Variants in DNAJC3 observed in about 807,000 individuals in gnomAD.
DNAJC3 encodes the protein dnaJ homolog subfamily C member 3.
Under a neutral mutation model 68.6 loss-of-function variants are expected in DNAJC3, and 38 were observed. The observed-to-expected ratio is 0.55, with a 90% CI of 0.43 to 0.73. DNAJC3 has a LOEUF of 0.73. Among genes scored for constraint, DNAJC3 ranks in the 30% least tolerant of loss-of-function variants. The pLI, the probability that DNAJC3 is intolerant of heterozygous loss-of-function variation, is 0.00. For synonymous variants in DNAJC3, 203 were observed against 204.0 expected, an observed-to-expected ratio of 1.00 and a Z score of 0.04; for missense variants, 526 against 591.9, an observed-to-expected ratio of 0.89 and a Z score of 1.16.
At chr13:95,739,406 T>C (rs1882047834) in intron 4 of DNAJC3, among the ~76,000 whole-genome samples, 1 of 151,332 alleles carries the variant, frequency 6.6e-6, no homozygotes, top group Non-Finnish European at 1.5e-5. Context: ...CTGGATAATA[T>C]CCTGCAGAGT....
At chr13:95,724,425 G>A (rs1881439329) in intron 3 of DNAJC3, among the ~76,000 whole-genome samples, 1 of 152,156 alleles carries the variant, frequency 6.6e-6, no homozygotes, top group African/African-American at 2.4e-5. Context: ...AGATGAAGGG[G>A]GAGAAACTGG....
chr13:95,778,714 C>T (rs1883353402), intron 9 of DNAJC3, among the ~76,000 whole-genome samples: 1 of 152,110 alleles, frequency 6.6e-6, no homozygotes, highest in Non-Finnish European at 1.5e-5. Context: ...AATGTGTGCC[C>T]TTTATGAATG....
chr13:95,712,215 G>A (rs1880993500), intron 2 of DNAJC3, among the ~76,000 whole-genome samples: 1 of 152,094 alleles, frequency 6.6e-6, no homozygotes, highest in African/African-American at 2.4e-5. Context: ...CTGTATTGGT[G>A]AGTACACCAA....
chr13:95,741,228 T>C (rs540858398), intron 4 of DNAJC3, among the ~76,000 whole-genome samples: 31 of 152,344 alleles, frequency 2.0e-4, no homozygotes, highest in Non-Finnish European at 3.7e-4. Context: ...GAGAGGACTT[T>C]TTCCTTAAGA....
chr13:95,787,191 AGGT>A (rs1295820800), intron 11 of DNAJC3, 36 bp downstream of exon 11: 1 of 1,593,498 alleles, frequency 6.3e-7, no homozygotes, highest in African/African-American at 1.4e-5. Flanking sequence ...CTCATCCTAG[AGGT>A]GGTGTTAGAA....
At chr13:95,686,389 G>C (rs1012055572) in intron 1 of DNAJC3, among the ~76,000 whole-genome samples, 17 of 152,228 alleles carry the variant, frequency 1.1e-4, no homozygotes, top group African/African-American at 4.1e-4. Flanking sequence ...TCTGTAGTTT[G>C]TCTCTTTGCC....
chr13:95,786,216 A>G (rs776434718), intron 10 of DNAJC3, 145 bp downstream of exon 10: 197 of 924,976 alleles, frequency 2.1e-4, no homozygotes, highest in Non-Finnish European at 2.0e-4. Context: ...CTTTAACATT[A>G]GAAAGCTACT....
chr13:95,769,225 A>G (rs1466973688), intron 9 of DNAJC3, among the ~76,000 whole-genome samples: 1 of 152,176 alleles, frequency 6.6e-6, no homozygotes, highest in Non-Finnish European at 1.5e-5. Context: ...TTGTGCCATC[A>G]GGTCAGGCAG....
At chr13:95,765,182 A>T (rs1428453180) in intron 9 of DNAJC3, among the ~76,000 whole-genome samples, 2 of 152,144 alleles carry the variant, frequency 1.3e-5, no homozygotes, top group Non-Finnish European at 2.9e-5. Flanking sequence ...ATTTATAAGC[A>T]TGCTTCAATA....
intron 2 of DNAJC3, among the ~76,000 whole-genome samples, chr13:95,710,323 C>T (rs1476192495): frequency 1.3e-5 from 2 of 150,922 alleles, no homozygotes; most frequent in African/African-American, 4.9e-5. Context: ...TTATGGCTTA[C>T]TGCAGCCTCA....
chr13:95,773,214 C>T (rs1443172124), intron 9 of DNAJC3, among the ~76,000 whole-genome samples: 1 of 150,230 alleles, frequency 6.7e-6, no homozygotes, highest in Non-Finnish European at 1.5e-5. Context: ...CTGTGTCACC[C>T]AGGCTGGAAT....
chr13:95,761,797 C>A (rs1882831080), intron 7 of DNAJC3, among the ~76,000 whole-genome samples: 1 of 150,826 alleles, frequency 6.6e-6, no homozygotes, highest in Non-Finnish European at 1.5e-5. Flanking sequence ...GACAATCTCA[C>A]TATGTTGCCC....
chr13:95,717,056 A>T (rs377181433), intron 2 of DNAJC3, among the ~76,000 whole-genome samples: 40 of 152,130 alleles, frequency 2.6e-4, no homozygotes, highest in African/African-American at 8.7e-4. Context: ...AACTCTTAAG[A>T]GATGTGCGTT....
At chr13:95,725,310 C>T in intron 4 of DNAJC3, 58 bp downstream of exon 4, 2 of 1,315,240 alleles carry the variant, frequency 1.5e-6, no homozygotes, top group Non-Finnish European at 2.1e-6. Context: ...ACGTATTTGA[C>T]CTTTTTTATA....
At chr13:95,682,998 G>C (rs557025202) in intron 1 of DNAJC3, among the ~76,000 whole-genome samples, 55 of 152,322 alleles carry the variant, frequency 3.6e-4, no homozygotes, top group African/African-American at 1.3e-3. Context: ...ACTTGCTTTT[G>C]ATAAGTTTTG....
intron 4 of DNAJC3, among the ~76,000 whole-genome samples, chr13:95,735,118 A>G (rs1315480970): frequency 0.016 from 2,426 of 149,460 alleles, 61 homozygotes; most frequent in African/African-American, 0.057. Flanking sequence ...ATGATTTCCA[A>G]TTTCATCCAT....
intron 2 of DNAJC3, 77 bp from the exon 3 acceptor site, chr13:95,723,165 T>C (rs1288706475): frequency 1.5e-6 from 2 of 1,346,930 alleles, no homozygotes; most frequent in East Asian, 2.5e-5. Flanking sequence ...GTGCTGATAC[T>C]GTCCAGGTGA....
intron 3 of DNAJC3, among the ~76,000 whole-genome samples, chr13:95,724,850 T>G (rs934552653): frequency 2.6e-5 from 4 of 152,214 alleles, no homozygotes; most frequent in African/African-American, 9.6e-5. Flanking sequence ...ATTGTATGGA[T>G]ATATTATATT....
At chr13:95,681,392 C>T (rs112983442) in intron 1 of DNAJC3, among the ~76,000 whole-genome samples, 2,598 of 152,162 alleles carry the variant, frequency 0.017, 79 homozygotes, top group African/African-American at 0.06. Flanking sequence ...GCCCTGTCAC[C>T]CAGGCTGGAG....
Sources: allele counts gnomAD v4.1 joint callset (sites outside exome capture counted in the v4.1 genomes callset), GRCh38; gene constraint gnomAD v4.1.1; transcripts MANE v1.5; gene names NCBI Gene and HGNC (gene_info 2026-07-23, HGNC 2026-07-21).